AOAH: variants seen among roughly 807,000 people sequenced by gnomAD.
The protein encoded by AOAH is acyloxyacyl hydrolase (neutrophil).
A neutral mutation model predicts 92.2 loss-of-function variants in AOAH; 64 were observed. That is an observed-to-expected ratio of 0.69 (90% CI 0.57 to 0.86). The LOEUF (loss-of-function observed/expected upper bound fraction) is 0.86. AOAH is among the 40% of genes least tolerant of loss of function. The probability of loss-of-function intolerance (pLI) is 0.00; values close to 1 mark genes in which losing one functional copy is unlikely to be tolerated. For synonymous variants in AOAH, 263 were observed against 254.5 expected, an observed-to-expected ratio of 1.03 and a Z score of -0.32; for missense variants, 656 against 694.6, an observed-to-expected ratio of 0.94 and a Z score of 0.62.
chr7:36,567,854 G>C (rs544097400), intron 13 of AOAH, among the ~76,000 whole-genome samples: 1 of 152,300 alleles, frequency 6.6e-6, no homozygotes, highest in East Asian at 1.9e-4. Flanking sequence ...ACTCTTGTTA[G>C]GATATCTCCC....
At chr7:36,594,598 C>T (rs983020171) in intron 11 of AOAH, 168 bp from the exon 12 acceptor site, 3 of 691,472 alleles carry the variant, frequency 4.3e-6, no homozygotes, top group African/African-American at 1.8e-5. Flanking sequence ...CCTTCAACTT[C>T]ATCAGGGAAG....
chr7:36,624,647 A>G (rs1471169099), intron 6 of AOAH, among the ~76,000 whole-genome samples: 1 of 152,184 alleles, frequency 6.6e-6, no homozygotes, highest in Non-Finnish European at 1.5e-5. Flanking sequence ...GGAGCGGAGA[A>G]GTTGGTTTCC....
rs202231248 is a variant in AOAH at position 36,713,522 on chromosome 7, T to C, written c.127+10500A>G. On this transcript the variant is annotated intron_variant, in intron 1 of 20. Transcript: ENST00000617537. ...CTCTCCACCCCAAATCAACAGAATA[T>C]ACTTTCTTTTCAGCACCACACCACA... 3.2e-4 allele frequency among the ~76,000 whole-genome samples: 48 copies of C among 152,276 alleles called. No individual in the cohort carries two copies. In the East Asian group the frequency reaches 9.1e-3, roughly 29 times the overall value.
intron 19 of AOAH, among the ~76,000 whole-genome samples, chr7:36,529,769 T>C (rs1480842177): frequency 6.6e-6 from 1 of 152,238 alleles, no homozygotes; most frequent in Non-Finnish European, 1.5e-5. Flanking sequence ...GCAATAATTT[T>C]TCAGACTCAA....
At chr7:36,546,555 C>A (rs1785813955) in intron 15 of AOAH, among the ~76,000 whole-genome samples, 2 of 152,200 alleles carry the variant, frequency 1.3e-5, no homozygotes, top group African/African-American at 4.8e-5. Flanking sequence ...CTGATGTCTG[C>A]CTGCCCTTTA....
intron 5 of AOAH, 126 bp from the exon 6 acceptor site, chr7:36,632,232 C>T: frequency 1.3e-6 from 1 of 755,110 alleles, no homozygotes; most frequent in Non-Finnish European, 2.2e-6. Flanking sequence ...CCCATTTCAC[C>T]TCTCTAAATT....
At chr7:36,646,962 C>T (rs1433137448) in intron 4 of AOAH, among the ~76,000 whole-genome samples, 2 of 152,124 alleles carry the variant, frequency 1.3e-5, no homozygotes, top group Non-Finnish European at 2.9e-5. Flanking sequence ...TGGATATGAA[C>T]TTGGAGGGTG....
intron 5 of AOAH, among the ~76,000 whole-genome samples, chr7:36,637,287 T>C (rs571140324): frequency 1.3e-5 from 2 of 152,328 alleles, no homozygotes; most frequent in Non-Finnish European, 2.9e-5. Context: ...CTCTCAACTC[T>C]ATCAGTACTG....
At chr7:36,686,892 G>A in intron 1 of AOAH, 98 bp from the exon 2 acceptor site, 3 of 636,876 alleles carry the variant, frequency 4.7e-6, no homozygotes, top group Non-Finnish European at 4.9e-6. Context: ...GTGTGTGTGT[G>A]TGTGTCCTTA....
At chr7:36,658,020 C>T (rs1179345864) in intron 4 of AOAH, among the ~76,000 whole-genome samples, 1 of 151,948 alleles carries the variant, frequency 6.6e-6, no homozygotes, top group Non-Finnish European at 1.5e-5. Flanking sequence ...TATTATGATA[C>T]AATAGTCACA....
chr7:36,518,828 C>T (rs545992197), intron 20 of AOAH, among the ~76,000 whole-genome samples: 3 of 152,216 alleles, frequency 2.0e-5, no homozygotes, highest in Admixed American at 6.5e-5. Context: ...TTCAATCACC[C>T]GATGATCTGG....
At chr7:36,655,003 C>T (rs1794792112) in intron 4 of AOAH, among the ~76,000 whole-genome samples, 1 of 152,198 alleles carries the variant, frequency 6.6e-6, no homozygotes, top group Admixed American at 6.5e-5. Flanking sequence ...GGCTGGCAGG[C>T]CATCAATAAA....
At chr7:36,584,105 G>A (rs957225129) in intron 12 of AOAH, among the ~76,000 whole-genome samples, 1 of 152,158 alleles carries the variant, frequency 6.6e-6, no homozygotes, top group African/African-American at 2.4e-5. Context: ...ATTTTTGAAT[G>A]TTTTATATTT....
At chr7:36,566,225 A>C (rs1027687356) in intron 13 of AOAH, among the ~76,000 whole-genome samples, 10 of 152,140 alleles carry the variant, frequency 6.6e-5, no homozygotes, top group African/African-American at 2.4e-4. Flanking sequence ...TTAAAGGTAC[A>C]AAACCTATTT....
In AOAH at chr7:36,614,329, G is replaced by C. The variant is rs540945191; in HGVS notation, c.846+2051C>G. Among the ~76,000 whole-genome samples, 2 of 152,314 alleles carry C rather than the reference G, an allele frequency of 1.3e-5. No individual in the cohort carries two copies. The highest frequency in any genetic ancestry group is 4.1e-4 in the South Asian group (2 of 4,824). On this transcript the variant is annotated intron_variant, in intron 11 of 20. Coordinates refer to ENST00000617537, the MANE Select transcript of AOAH (RefSeq NM_001637.4). The surrounding 1 kb of genome is among the most constrained non-coding windows in gnomAD (Gnocchi z 4.2). ...GTGCAGTGCATCAGACCCGGGCAGG[G>C]CTTTATGTGTGTGCAACCAGTGGGT... is the stretch of plus-strand genomic sequence containing the variant.
At chr7:36,598,734 A>G (rs1790324668) in intron 11 of AOAH, among the ~76,000 whole-genome samples, 2 of 152,226 alleles carry the variant, frequency 1.3e-5, no homozygotes, top group Non-Finnish European at 2.9e-5. Context: ...GATAAAAATG[A>G]AAAGTAGTGG....
rs139199176 is a variant in AOAH, at chr7:36,620,809, T to C, written c.674A>G (p.His225Arg). 12 of 1,613,948 alleles carry C rather than the reference T, an allele frequency of 7.4e-6. No individual in the cohort carries two copies. The highest frequency in any genetic ancestry group is 1.0e-5 in the Non-Finnish European group (12 of 1,179,958). ...PGRRPNNWDV[H>R]QDSNCNGIWG... Reference sequence around the variant, plus strand: ...AATGCCATTACAGTTTGAATCCTGATGGACATCCCAGTTGTTCGGCCTAAG... The same window carrying C: ...AATGCCATTACAGTTTGAATCCTGACGGACATCCCAGTTGTTCGGCCTAAG... The change falls in exon 9 of 21, where the codon CAT becomes CGT. Residue 225 changes from histidine to arginine, a missense_variant. By Grantham distance (29) the His-to-Arg change is conservative. Coordinates refer to ENST00000617537, the MANE Select transcript of AOAH (RefSeq NM_001637.4).
chr7:36,535,687 G>T (rs2116092753), intron 16 of AOAH, among the ~76,000 whole-genome samples: 1 of 152,284 alleles, frequency 6.6e-6, no homozygotes, highest in Non-Finnish European at 1.5e-5. Context: ...TGGGCACTCG[G>T]CACGTTCGCT....
chr7:36,557,371 C>A (rs528239090), intron 13 of AOAH, among the ~76,000 whole-genome samples: 1 of 152,364 alleles, frequency 6.6e-6, no homozygotes, highest in South Asian at 2.1e-4. Context: ...GTCTGATGTG[C>A]TTCTCTTTGT....
Sources: gnomAD v4.1 joint callset for allele counts (sites outside exome capture counted in the v4.1 genomes callset) on GRCh38, gnomAD v4.1.1 for gene constraint, Gnocchi (gnomAD v3.1) non-coding constraint, MANE v1.5 for transcripts, NCBI Gene and HGNC (gene_info 2026-07-23, HGNC 2026-07-21) for gene names.